Variants in GRXCR2 observed in about 807,000 individuals in gnomAD.
The protein encoded by GRXCR2 is glutaredoxin domain-containing cysteine-rich protein 2.
GRXCR2 carries 23 observed loss-of-function variants against 24.8 expected under a neutral mutation model. The observed-to-expected ratio is 0.93, with a 90% confidence interval of 0.67 to 1.32. GRXCR2 has a LOEUF of 1.32. GRXCR2 is among the 40% of genes most tolerant of loss of function. GRXCR2 has a pLI of 0.00. For synonymous variants in GRXCR2, 130 were observed against 116.1 expected, an observed-to-expected ratio of 1.12 and a Z score of -0.77; for missense variants, 315 against 303.4, an observed-to-expected ratio of 1.04 and a Z score of -0.28.
Position 145,859,060 on chromosome 5 carries a change from T to C in GRXCR2, c.*673A>G, listed in dbSNP as rs1756286134. Reference sequence around the variant, plus strand: ...TGACTTGGCTTATAACCTCAGTAGTTAGAGGCACACAAAAATGTCTTATCT... The same window carrying C: ...TGACTTGGCTTATAACCTCAGTAGTCAGAGGCACACAAAAATGTCTTATCT... On this transcript the variant is annotated 3_prime_UTR_variant, in exon 3 of 3. Coordinates refer to ENST00000377976, the MANE Select transcript of GRXCR2 (RefSeq NM_001080516.2). The C allele has an allele frequency of 1.3e-5, 2 of 152,418 alleles. No individual in the cohort carries two copies. The highest frequency in any genetic ancestry group is 2.1e-4 in the South Asian group (1 of 4,830). 9.4% of individuals were successfully genotyped at this position (152,418 alleles called of 1,614,324 possible). A position where few individuals can be genotyped will look rare whatever the true frequency, so the allele number is the denominator to read the frequency against.
At chr5:145,915,507 G>A (rs893886748) in intron 2 of GRXCR2, among the ~76,000 whole-genome samples, 4 of 152,096 alleles carry the variant, frequency 2.6e-5, no homozygotes, top group South Asian at 2.1e-4. Context: ...GGCTCAGGCC[G>A]GGCACAGTGG....
chr5:145,883,386 T>C (rs1756732062), intron 2 of GRXCR2, among the ~76,000 whole-genome samples: 2 of 152,224 alleles, frequency 1.3e-5, no homozygotes, highest in African/African-American at 4.8e-5. Flanking sequence ...CTAAAACTTA[T>C]GCAATTGGTG....
chr5:145,894,773 ACT>A (rs1756923718), intron 2 of GRXCR2, among the ~76,000 whole-genome samples: 1 of 152,164 alleles, frequency 6.6e-6, no homozygotes, highest in Non-Finnish European at 1.5e-5. Flanking sequence ...ATCCTCCCTA[ACT>A]CATTTTATGA....
rs553109013 is a variant in GRXCR2, at chr5:145,870,290, T to A, written c.336+2343A>T. Among the ~76,000 whole-genome samples, 65 of 152,238 alleles carry A rather than the reference T, an allele frequency of 4.3e-4. 2 individuals carry two copies. The South Asian group carries it at 0.012, about 29-fold the overall frequency. ...CCATTCTACTTGCTGTCTGTATGAT[T>A]TTGACTACTCTAGGTACCTCAAATA... On this transcript the variant is annotated intron_variant, in intron 1 of 2. Coordinates refer to ENST00000377976, the MANE Select transcript of GRXCR2 (RefSeq NM_001080516.2).
chr5:145,911,322 G>C (rs541822139), intron 2 of GRXCR2, among the ~76,000 whole-genome samples: 1 of 152,190 alleles, frequency 6.6e-6, no homozygotes, highest in African/African-American at 2.4e-5. Flanking sequence ...AGGTGTCACG[G>C]TCTGGCGTCC....
chr5:145,897,956 C>G (rs999152914), intron 2 of GRXCR2, among the ~76,000 whole-genome samples: 1 of 151,830 alleles, frequency 6.6e-6, no homozygotes, highest in East Asian at 1.9e-4. Flanking sequence ...GAAGAAAAAA[C>G]TAAAATCAGA....
chr5:145,866,660 T>C lies in GRXCR2; in HGVS notation c.405A>G (p.Pro135=), dbSNP rs752630207. 5 of 1,613,884 alleles carry C rather than the reference T, an allele frequency of 3.1e-6. No homozygotes were observed. The South Asian group carries it at 5.5e-5, about 18-fold the overall frequency. Residue 135 remains proline (P), a synonymous_variant, in exon 2 of 3, where the codon CCA becomes CCG. Transcript: ENST00000377976. ...YTNNLKIIRT[P]MDKRDFVRKI... is the part of the protein sequence containing the mutation. The stretch of plus-strand genomic sequence containing the variant: ...TCCTCACAAAATCTCTCTTGTCCAT[T>C]GGGGTTCGAATGATTTTCAGGTTAT...
upstream of GRXCR2, among the ~76,000 whole-genome samples, chr5:145,876,191 G>GTATA (rs748811333): frequency 0.081 from 8,504 of 104,862 alleles, 474 homozygotes; most frequent in Admixed American, 0.19. Context: ...GTGTGTGTGT[G>GTATA]TATATATATA....
At chr5:145,916,365 AT>A (rs1273373727) in intron 2 of GRXCR2, among the ~76,000 whole-genome samples, 1 of 152,104 alleles carries the variant, frequency 6.6e-6, no homozygotes, top group African/African-American at 2.4e-5. Flanking sequence ...TCAAACTGAC[AT>A]TTTTCCAGGC....
At chr5:145,892,392 T>A (rs1363885457) in intron 2 of GRXCR2, among the ~76,000 whole-genome samples, 1 of 151,864 alleles carries the variant, frequency 6.6e-6, no homozygotes, top group Non-Finnish European at 1.5e-5. Context: ...TGAAAAAAAA[T>A]TAGATGAATG....
intron 2 of GRXCR2, among the ~76,000 whole-genome samples, chr5:145,860,982 A>C (rs1273980336): frequency 6.6e-6 from 1 of 152,004 alleles, no homozygotes; most frequent in Non-Finnish European, 1.5e-5. Context: ...AAGCTATCTT[A>C]AGGAAATTGG....
At chr5:145,920,405 G>C (rs2400203) in intron 2 of GRXCR2, among the ~76,000 whole-genome samples, 13,018 of 152,208 alleles carry the variant, frequency 0.086, 888 homozygotes, top group Admixed American at 0.21. Context: ...TCTAAAGTTT[G>C]AGCACCCTTG....
At chr5:145,928,964 A>G (rs1290615152) in intron 2 of GRXCR2, among the ~76,000 whole-genome samples, 3 of 151,924 alleles carry the variant, frequency 2.0e-5, no homozygotes, top group Non-Finnish European at 4.4e-5. Context: ...AACATACATG[A>G]GCAAAATTTT....
chr5:145,909,306 T>A (rs1329648579), intron 2 of GRXCR2, among the ~76,000 whole-genome samples: 1 of 152,222 alleles, frequency 6.6e-6, no homozygotes, highest in East Asian at 1.9e-4. Flanking sequence ...ATAATAAACA[T>A]CACTAGTAAA....
chr5:145,912,607 G>A lies in GRXCR2; in HGVS notation c.-70+23094C>T, dbSNP rs575946047. ...TGTTTTGAAGAACACAAAACAAAGCGAAGGAGAGTGACAGACAGAGCAGGA... is the reference window on the plus strand; with the variant it reads ...TGTTTTGAAGAACACAAAACAAAGCAAAGGAGAGTGACAGACAGAGCAGGA... On this transcript the variant is annotated intron_variant, in intron 2 of 3. Transcript: ENST00000639411. Among the ~76,000 whole-genome samples, 188 of 152,274 alleles carry A rather than the reference G, an allele frequency of 1.2e-3. No individual in the cohort carries two copies. The South Asian group carries it at 0.015, about 12-fold the overall frequency.
At chr5:145,926,285 G>A (rs958951266) in intron 2 of GRXCR2, among the ~76,000 whole-genome samples, 1 of 151,944 alleles carries the variant, frequency 6.6e-6, no homozygotes, top group African/African-American at 2.4e-5. Context: ...TAAGCTATTA[G>A]GGTTATAGGA....
chr5:145,888,746 T>A (rs771663733), intron 2 of GRXCR2, among the ~76,000 whole-genome samples: 1 of 152,236 alleles, frequency 6.6e-6, no homozygotes, highest in Non-Finnish European at 1.5e-5. Flanking sequence ...TATATACATA[T>A]GTATGCAAGA....
intron 2 of GRXCR2, among the ~76,000 whole-genome samples, chr5:145,860,214 A>T (rs1046851427): frequency 6.6e-6 from 1 of 152,182 alleles, no homozygotes; most frequent in Non-Finnish European, 1.5e-5. Context: ...TGTAAGCTCC[A>T]TAAAGGGCAA....
chr5:145,911,952 C>T (rs1757172941), intron 2 of GRXCR2, among the ~76,000 whole-genome samples: 1 of 152,148 alleles, frequency 6.6e-6, no homozygotes, highest in Non-Finnish European at 1.5e-5. Flanking sequence ...AAAAAATTAG[C>T]CCAGTATGGT....
Sources: allele counts gnomAD v4.1 joint callset (sites outside exome capture counted in the v4.1 genomes callset), GRCh38; gene constraint gnomAD v4.1.1; transcripts MANE v1.5; gene names NCBI Gene and HGNC (gene_info 2026-07-23, HGNC 2026-07-21).